Variants in AK8 observed in about 807,000 individuals in gnomAD.
AK8 encodes the protein ATP-AMP transphosphorylase 8.
A neutral mutation model predicts 54.6 loss-of-function variants in AK8; 44 were observed. The observed-to-expected ratio is 0.81, with a 90% CI of 0.63 to 1.04. The LOEUF (loss-of-function observed/expected upper bound fraction) is 1.04. Among genes scored for constraint, AK8 ranks in the 50% least tolerant of loss-of-function variants. The pLI is 0.00. For missense variants in AK8, 555 were observed against 613.6 expected (o/e 0.90, Z 1.01); for synonymous variants, 239 against 245.6 (o/e 0.97, Z 0.25).
At chr9:132,730,257 G>A (rs1004154519) in intron 11 of AK8, among the ~76,000 whole-genome samples, 5 of 152,166 alleles carry the variant, frequency 3.3e-5, no homozygotes, top group Non-Finnish European at 5.9e-5. Context: ...CGCTTTGGTA[G>A]GTCCAATGGG....
At chr9:132,760,209 G>A (rs1838387551) in intron 11 of AK8, among the ~76,000 whole-genome samples, 3 of 151,362 alleles carry the variant, frequency 2.0e-5, no homozygotes, top group African/African-American at 7.3e-5. Context: ...TTGGAGATGG[G>A]GTCTTGCTGT....
At chr9:132,864,835 G>A (rs539565489) in intron 3 of AK8, among the ~76,000 whole-genome samples, 11 of 152,330 alleles carry the variant, frequency 7.2e-5, no homozygotes, top group Non-Finnish European at 7.4e-5. Context: ...AGCTAGGACA[G>A]GACGAAGCAC....
chr9:132,818,691 CA>C (rs1048510950), intron 9 of AK8, among the ~76,000 whole-genome samples: 17 of 151,816 alleles, frequency 1.1e-4, no homozygotes, highest in African/African-American at 3.9e-4. Flanking sequence ...GAAAACAAAA[CA>C]AAACAAAAAA....
intron 4 of AK8, among the ~76,000 whole-genome samples, chr9:132,862,874 G>A (rs1437651044): frequency 6.6e-6 from 1 of 152,112 alleles, no homozygotes; most frequent in African/African-American, 2.4e-5. Context: ...GTCACGAGTG[G>A]CTGGGAGCAT....
intron 10 of AK8, among the ~76,000 whole-genome samples, chr9:132,809,445 C>A (rs1840890966): frequency 6.6e-6 from 1 of 152,182 alleles, no homozygotes; most frequent in African/African-American, 2.4e-5. Flanking sequence ...CCAAGTCCCT[C>A]CGGCTCTCCC....
intron 10 of AK8, 50 bp downstream of exon 10, chr9:132,814,588 T>G: frequency 6.4e-7 from 1 of 1,551,286 alleles, no homozygotes; most frequent in Non-Finnish European, 8.8e-7. Context: ...AAAAAGAAAG[T>G]TCTCTCTGGA....
intron 11 of AK8, among the ~76,000 whole-genome samples, chr9:132,732,454 G>T (rs1278249777): frequency 6.6e-6 from 1 of 152,144 alleles, no homozygotes; most frequent in Non-Finnish European, 1.5e-5. Flanking sequence ...CCCCAGGGCT[G>T]CAGGGCTGGG....
intron 5 of AK8, among the ~76,000 whole-genome samples, chr9:132,834,841 AG>A (rs1842252428): frequency 6.6e-6 from 1 of 151,466 alleles, no homozygotes; most frequent in South Asian, 2.1e-4. Flanking sequence ...AACCTGGTAA[AG>A]CCCAAATGCA....
chr9:132,758,598 T>A (rs2131043165), intron 11 of AK8, among the ~76,000 whole-genome samples: 1 of 151,898 alleles, frequency 6.6e-6, no homozygotes, highest in African/African-American at 2.4e-5. Flanking sequence ...TACAGGCCTG[T>A]GCCACCAGGC....
intron 11 of AK8, among the ~76,000 whole-genome samples, chr9:132,782,324 T>A (rs1839512028): frequency 6.6e-6 from 1 of 152,162 alleles, no homozygotes; most frequent in African/African-American, 2.4e-5. Flanking sequence ...ACCCTGCCCC[T>A]GCCTTCTTTA....
chr9:132,725,697 T>G lies in AK8; in HGVS notation c.1431A>C (p.Lys477Asn). 6.4e-7 allele frequency: 1 copy of G among 1,573,908 alleles called. No individual in the cohort carries two copies. Among genetic ancestry groups the G allele is most frequent in the Non-Finnish European group, 8.6e-7 (1 of 1,156,528 alleles). Residue 477 changes from lysine to asparagine, a missense_variant, in exon 13 of 13, where the codon AAA becomes AAC. Transcript: ENST00000298545. ...ESGIINPLPK[K>N]IP The stretch of plus-strand genomic sequence containing the variant: ...CCTGGCTCTGAACCCATCAGGGGAT[T>G]TTCTTGGGCAGGGGATTAATGATCC...
rs1020741718 is a variant in AK8, at chr9:132,803,382, A to T, written c.980-10607T>A. On this transcript the variant is annotated intron_variant, in intron 10 of 12. Transcript: ENST00000298545. The surrounding 1 kb of genome is among the most constrained non-coding windows in gnomAD (Gnocchi z 4.4). ...GCAGTCATGGGAAATAAATAAATAT[A>T]AAAAATCCCCCATATATAAAATATA... is the stretch of plus-strand genomic sequence containing the variant. Among the ~76,000 whole-genome samples, 2 of 141,828 alleles carry T rather than the reference A, an allele frequency of 1.4e-5. No homozygotes were observed. Among genetic ancestry groups the T allele is most frequent in the African/African-American group, 5.2e-5 (2 of 38,408 alleles). 93.0% of individuals were successfully genotyped at this position (141,828 alleles called of 152,430 possible). A position where few individuals can be genotyped will look rare whatever the true frequency, so the allele number is the denominator to read the frequency against.
At chr9:132,830,594 T>C (rs1337053172) in intron 5 of AK8, among the ~76,000 whole-genome samples, 2 of 152,240 alleles carry the variant, frequency 1.3e-5, no homozygotes, top group African/African-American at 4.8e-5. Flanking sequence ...GTCATCTATC[T>C]ACTTTCCCCT....
At chr9:132,868,385 C>T (rs1843683382) in intron 2 of AK8, among the ~76,000 whole-genome samples, 1 of 152,202 alleles carries the variant, frequency 6.6e-6, no homozygotes, top group Non-Finnish European at 1.5e-5. Flanking sequence ...ATGATCCTCT[C>T]CTTTAACCTC....
chr9:132,753,964 G>A (rs1838068123), intron 11 of AK8, among the ~76,000 whole-genome samples: 1 of 152,178 alleles, frequency 6.6e-6, no homozygotes, highest in African/African-American at 2.4e-5. Flanking sequence ...TTCAGACAGC[G>A]CAACTCACAG....
At chr9:132,811,688 C>T (rs925699607) in intron 10 of AK8, among the ~76,000 whole-genome samples, 1 of 152,212 alleles carries the variant, frequency 6.6e-6, no homozygotes, top group Non-Finnish European at 1.5e-5. Context: ...AGCATTCGCA[C>T]ACTGATGGTG....
rs1564392588 is a variant in AK8, at chr9:132,770,402, A to G, written c.1121+22232T>C. The stretch of plus-strand genomic sequence containing the variant: ...CCAGGGGCCTCTGGGTTTGACTTTC[A>G]TGGCTATGAATCTCGGAATGAATAA... On this transcript the variant is annotated intron_variant, in intron 11 of 12. Coordinates refer to ENST00000298545, the MANE Select transcript of AK8 (RefSeq NM_152572.3). The surrounding 1 kb of genome is among the most constrained non-coding windows in gnomAD (Gnocchi z 4.3). Among the ~76,000 whole-genome samples the G allele has an allele frequency of 6.8e-6, 1 of 146,170 alleles. No homozygotes were observed. Among genetic ancestry groups the G allele is most frequent in the African/African-American group, 2.5e-5 (1 of 40,414 alleles).
chr9:132,749,981 C>T (rs150323316), intron 11 of AK8, among the ~76,000 whole-genome samples: 4 of 150,398 alleles, frequency 2.7e-5, no homozygotes, highest in East Asian at 1.9e-4. Flanking sequence ...CAGCACACTC[C>T]TAGAGATACT....
intron 11 of AK8, among the ~76,000 whole-genome samples, chr9:132,777,535 A>G: frequency 6.6e-6 from 1 of 152,228 alleles, no homozygotes; most frequent in East Asian, 1.9e-4. Flanking sequence ...TCTGTTGACA[A>G]CATTATCTCA....
Sources: gnomAD v4.1 joint callset for allele counts (sites outside exome capture counted in the v4.1 genomes callset) on GRCh38, gnomAD v4.1.1 for gene constraint, Gnocchi (gnomAD v3.1) non-coding constraint, MANE v1.5 for transcripts, NCBI Gene and HGNC (gene_info 2026-07-23, HGNC 2026-07-21) for gene names.